Variants in ANKRD13A observed in about 807,000 individuals in gnomAD.
ANKRD13A encodes the protein ankyrin repeat domain 13A.
ANKRD13A carries 48 observed loss-of-function variants against 81.3 expected under a neutral mutation model. That is an observed-to-expected ratio of 0.59 (90% confidence interval 0.47 to 0.75). ANKRD13A has a LOEUF of 0.75. ANKRD13A is among the 30% of genes least tolerant of loss of function. The pLI is 0.00. For missense variants in ANKRD13A, 612 were observed against 734.0 expected (o/e 0.83, Z 1.92); for synonymous variants, 230 against 270.1 (o/e 0.85, Z 1.45).
chr12:110,008,366 A>C (rs1890341895), intron 1 of ANKRD13A, among the ~76,000 whole-genome samples: 1 of 152,216 alleles, frequency 6.6e-6, no homozygotes, highest in Non-Finnish European at 1.5e-5. Flanking sequence ...CATAGTGTAT[A>C]ATACCCTTTT....
At chr12:110,013,634 G>T (rs1415632131) in intron 3 of ANKRD13A, among the ~76,000 whole-genome samples, 1 of 151,994 alleles carries the variant, frequency 6.6e-6, no homozygotes, top group African/African-American at 2.4e-5. Context: ...AGCAGGGCAT[G>T]GTAGTGCATA....
At chr12:110,030,844 C>G in intron 12 of ANKRD13A, 86 bp downstream of exon 12, 2 of 797,006 alleles carry the variant, frequency 2.5e-6, no homozygotes. Flanking sequence ...CCTGTAATCC[C>G]AGCACTTTGG....
chr12:110,003,999 A>G (rs1402364946), intron 1 of ANKRD13A, among the ~76,000 whole-genome samples: 2 of 152,140 alleles, frequency 1.3e-5, no homozygotes, highest in East Asian at 3.8e-4. Flanking sequence ...TTTGCTAAAA[A>G]TATGAAAAAT....
chr12:110,003,826 C>G (rs1220920097), intron 1 of ANKRD13A, among the ~76,000 whole-genome samples: 1 of 151,876 alleles, frequency 6.6e-6, no homozygotes, highest in East Asian at 1.9e-4. Context: ...AGTTCAAGAC[C>G]AGCCTGGCCA....
In ANKRD13A at chr12:110,025,728, C is replaced by CTAT. The variant is rs780638068; in HGVS notation, c.802-14_802-13insTAT. On this transcript the variant is annotated splice_polypyrimidine_tract_variant and intron_variant, in intron 7 of 14. Coordinates refer to ENST00000261739, the MANE Select transcript of ANKRD13A (RefSeq NM_033121.2). ...TTCCCTGTGTCACTGTTTTCTTTCG[C>CTAT]ATACACCTCTCAGGTTTACACAGTA... 2 of 1,594,514 alleles carry CTAT rather than the reference C, an allele frequency of 1.3e-6. No homozygotes were observed. The highest frequency in any genetic ancestry group is 1.7e-5 in the Admixed American group (1 of 57,294).
intron 4 of ANKRD13A, among the ~76,000 whole-genome samples, chr12:110,016,692 C>T (rs1208406597): frequency 2.0e-5 from 3 of 152,142 alleles, no homozygotes; most frequent in Admixed American, 6.6e-5. Flanking sequence ...TAGACAATTT[C>T]ATTTCCTCCT....
chr12:110,006,930 G>A (rs944028058), intron 1 of ANKRD13A, among the ~76,000 whole-genome samples: 1 of 152,172 alleles, frequency 6.6e-6, no homozygotes, highest in Non-Finnish European at 1.5e-5. Context: ...ATATGCAGTT[G>A]TTCAAGCGGC....
chr12:110,038,649 A>G lies in ANKRD13A; in HGVS notation c.*1095A>G, dbSNP rs1036232060. 1.3e-5 allele frequency: 2 copies of G among 152,662 alleles called. No homozygotes were observed. The highest frequency in any genetic ancestry group is 2.9e-5 in the Non-Finnish European group (2 of 68,042). 9.5% of individuals were successfully genotyped at this position (152,662 alleles called of 1,614,324 possible). A position where few individuals can be genotyped will look rare whatever the true frequency, so the allele number is the denominator to read the frequency against. ...ATCTTTCTGGATAAATCTATTTTTT[A>G]ACAATCTTTTTATTATTTGTAAAAG... On this transcript the variant is annotated 3_prime_UTR_variant, in exon 15 of 15. Coordinates refer to ENST00000261739, the MANE Select transcript of ANKRD13A (RefSeq NM_033121.2).
chr12:110,019,973 A>G (rs749677135), intron 6 of ANKRD13A, among the ~76,000 whole-genome samples: 3 of 152,204 alleles, frequency 2.0e-5, no homozygotes, highest in Non-Finnish European at 4.4e-5. Flanking sequence ...GCCTTTGAGT[A>G]GAGGCTGTCA....
intron 6 of ANKRD13A, 99 bp downstream of exon 6, chr12:110,019,427 T>C (rs1890963941): frequency 1.7e-6 from 2 of 1,187,584 alleles, no homozygotes; most frequent in African/African-American, 1.5e-5. Flanking sequence ...ATTGGGCTTT[T>C]TCTAATATGA....
Position 110,025,812 on chromosome 12 carries a change from A to G in ANKRD13A, c.872A>G (p.Lys291Arg), listed in dbSNP as rs1191895504. 1 of 1,613,630 alleles carries G rather than the reference A, an allele frequency of 6.2e-7. No homozygotes were observed. Among genetic ancestry groups the G allele is most frequent in the Non-Finnish European group, 8.5e-7 (1 of 1,179,732 alleles). The change falls in exon 8 of 15, where the codon AAG becomes AGG. Residue 291 changes from lysine to arginine, a missense_variant. Lys to Arg is a conservative substitution (Grantham distance 26). Coordinates refer to ENST00000261739, the MANE Select transcript of ANKRD13A (RefSeq NM_033121.2). ...GAACATCTGACCGAGGAGGAAAAAA[A>G]GAGATATAAAGGTAATCACCACCAC... Reference protein sequence around the residue: ...RTEHLTEEEKKRYKADRNPLE... With the variant: ...RTEHLTEEEKRRYKADRNPLE...
chr12:110,010,730 T>G (rs1019887320), intron 1 of ANKRD13A, among the ~76,000 whole-genome samples: 5 of 152,210 alleles, frequency 3.3e-5, no homozygotes, highest in African/African-American at 1.2e-4. Context: ...CAATAAGAGT[T>G]ATCTTCACTG....
Position 110,018,371 on chromosome 12 carries a change from A to T in ANKRD13A, c.427A>T (p.Asn143Tyr). ...WVPLVSRICP[N>Y]DVCRIWKSGA... ...GCCCTTGGTTTCTAGAATATGCCCA[A>T]ATGATGTCTGTCGCATCTGGAAAAG... The change falls in exon 5 of 15, where the codon AAT becomes TAT. Residue 143 changes from asparagine (N) to tyrosine (Y), a missense_variant. Physicochemically the swap from Asn to Tyr is moderately radical, Grantham distance 143. Coordinates refer to ENST00000261739, the MANE Select transcript of ANKRD13A (RefSeq NM_033121.2). The surrounding 1 kb of genome is among the most constrained non-coding windows in gnomAD (Gnocchi z 4.4). 2 of 1,614,100 alleles carry T rather than the reference A, an allele frequency of 1.2e-6. No homozygotes were observed.
chr12:110,002,567 G>A (rs1593193743), intron 1 of ANKRD13A, among the ~76,000 whole-genome samples: 1 of 152,206 alleles, frequency 6.6e-6, no homozygotes, highest in African/African-American at 2.4e-5. Flanking sequence ...AGTGAGCCAA[G>A]ATCGTGCCAC....
chr12:110,002,979 G>A (rs1799930211), intron 1 of ANKRD13A, among the ~76,000 whole-genome samples: 1 of 152,192 alleles, frequency 6.6e-6, no homozygotes. Flanking sequence ...ATTTAATAAA[G>A]TGCCTCTTAA....
intron 1 of ANKRD13A, among the ~76,000 whole-genome samples, chr12:110,000,778 A>T (rs1889919184): frequency 8.3e-6 from 1 of 121,092 alleles, no homozygotes; most frequent in Non-Finnish European, 1.7e-5. Context: ...TTTTTTTGAG[A>T]CTGAGTTTCG....
intron 1 of ANKRD13A, among the ~76,000 whole-genome samples, chr12:110,000,385 TAACA>T (rs982659042): frequency 2.0e-5 from 3 of 152,198 alleles, no homozygotes; most frequent in Non-Finnish European, 4.4e-5. Flanking sequence ...GCCGCATTTT[TAACA>T]AACTCCCCAG....
intron 1 of ANKRD13A, among the ~76,000 whole-genome samples, chr12:110,003,402 G>C (rs1389388602): frequency 1.3e-5 from 2 of 152,234 alleles, no homozygotes; most frequent in Non-Finnish European, 2.9e-5. Context: ...AGAGCCTAGA[G>C]CCTGCTCTCC....
In ANKRD13A at chr12:109,999,616, G is replaced by A. The variant is rs2137058250; in HGVS notation, c.-73G>A. ...TTGCTCGCCGGCCTCAGGGCAGGCA[G>A]GCGGGCGCGGGAGACCCCGCCGGGG... On this transcript the variant is annotated 5_prime_UTR_variant, in exon 1 of 15. Transcript: ENST00000261739. This position sits in a 1 kb window ranked among gnomAD's most constrained non-coding sequence, Gnocchi z 4.3. 5 of 1,297,160 alleles carry A rather than the reference G, an allele frequency of 3.9e-6. No homozygotes were observed. Among genetic ancestry groups the A allele is most frequent in the East Asian group, 6.0e-5 (2 of 33,434 alleles). The allele number at this position is 1,297,160 out of a possible 1,614,324, so 80.4% of individuals were successfully genotyped here.
Sources: gnomAD v4.1 joint callset for allele counts (sites outside exome capture counted in the v4.1 genomes callset) on GRCh38, gnomAD v4.1.1 for gene constraint, Gnocchi (gnomAD v3.1) non-coding constraint, MANE v1.5 for transcripts, NCBI Gene and HGNC (gene_info 2026-07-23, HGNC 2026-07-21) for gene names.